The following CNTNAP2 variants were observed in gnomAD, a reference collection of about 807,000 sequenced individuals.
CNTNAP2 encodes the protein contactin-associated protein-like 2.
A neutral mutation model predicts 155.2 loss-of-function variants in CNTNAP2; 98 were observed. The observed-to-expected ratio is 0.63, with a 90% CI of 0.54 to 0.75. The LOEUF (loss-of-function observed/expected upper bound fraction) is 0.75, where lower values mean the gene tolerates loss of function less well. CNTNAP2 is among the 30% of genes least tolerant of loss of function. The pLI, the probability that CNTNAP2 is intolerant of heterozygous loss-of-function variation, is 0.00. For synonymous variants in CNTNAP2, 651 were observed against 631.2 expected, an observed-to-expected ratio of 1.03 and a Z score of -0.47; for missense variants, 1,727 against 1,688.1, an observed-to-expected ratio of 1.02 and a Z score of -0.40.
chr7:148,189,570 C>G (rs1795171374), intron 18 of CNTNAP2, among the ~76,000 whole-genome samples: 1 of 152,194 alleles, frequency 6.6e-6, no homozygotes, highest in African/African-American at 2.4e-5. Flanking sequence ...CTCCTCTTCT[C>G]TTTGCCCTTC....
chr7:146,931,701 A>C (rs1163008253), intron 3 of CNTNAP2, among the ~76,000 whole-genome samples: 1 of 148,506 alleles, frequency 6.7e-6, no homozygotes, highest in African/African-American at 2.5e-5. Context: ...AAGACTAATA[A>C]AGAAAAAAAG....
intron 13 of CNTNAP2, chr7:147,704,570 A>C (rs1441164836): frequency 6.2e-6 from 1 of 160,334 alleles, no homozygotes; most frequent in East Asian, 1.9e-4. Context: ...GTCCCAAACC[A>C]TTATCAGAGT....
intron 10 of CNTNAP2, among the ~76,000 whole-genome samples, chr7:147,428,640 A>G (rs1797418621): frequency 6.6e-6 from 1 of 152,144 alleles, no homozygotes; most frequent in Non-Finnish European, 1.5e-5. Flanking sequence ...TATAAGTTGG[A>G]TTCTCTGCTT....
intron 8 of CNTNAP2, among the ~76,000 whole-genome samples, chr7:147,186,545 T>G (rs1028794642): frequency 3.9e-5 from 6 of 152,142 alleles, no homozygotes; most frequent in African/African-American, 1.4e-4. Flanking sequence ...CTTTCTCCAT[T>G]TGGACCCTTT....
At chr7:147,386,166 C>A (rs912741495) in intron 9 of CNTNAP2, among the ~76,000 whole-genome samples, 1 of 152,088 alleles carries the variant, frequency 6.6e-6, no homozygotes, top group Non-Finnish European at 1.5e-5. Context: ...CTGAGCCCGA[C>A]CCATGAAATG....
At chr7:147,644,368 C>A (rs1795331802) in intron 13 of CNTNAP2, among the ~76,000 whole-genome samples, 2 of 152,138 alleles carry the variant, frequency 1.3e-5, no homozygotes, top group Non-Finnish European at 2.9e-5. Context: ...GGCCTGTAAT[C>A]CCAGCACTTT....
At chr7:146,849,825 T>C (rs982688926) in intron 3 of CNTNAP2, among the ~76,000 whole-genome samples, 38 of 152,160 alleles carry the variant, frequency 2.5e-4, no homozygotes, top group Admixed American at 2.2e-3. Context: ...TGCAAGTAAG[T>C]AGTTAATAGT....
chr7:147,486,067 A>G, intron 11 of CNTNAP2, 26 bp downstream of exon 11: 1 of 1,581,408 alleles, frequency 6.3e-7, no homozygotes, highest in South Asian at 1.1e-5. Context: ...TCTCACTTTA[A>G]TCTTGTAATT....
chr7:146,709,511 A>C (rs1239369650), intron 1 of CNTNAP2, among the ~76,000 whole-genome samples: 1 of 152,228 alleles, frequency 6.6e-6, no homozygotes, highest in Non-Finnish European at 1.5e-5. Flanking sequence ...CTCTCAGTCA[A>C]GCCTAAAGTT....
intron 10 of CNTNAP2, among the ~76,000 whole-genome samples, chr7:147,441,855 C>CTCTCT (rs1563205224): frequency 8.8e-5 from 12 of 136,566 alleles, no homozygotes; most frequent in African/African-American, 2.5e-4. Context: ...CTCTCTCCCT[C>CTCTCT]CCTCCCTCCC....
intron 21 of CNTNAP2, 76 bp downstream of exon 21, chr7:148,267,202 A>G (rs1309277692): frequency 2.3e-6 from 3 of 1,300,574 alleles, no homozygotes; most frequent in East Asian, 2.3e-5. Context: ...TTTTAAAACT[A>G]TCAGGTAAAT....
chr7:148,169,790 T>G (rs1459542469), intron 17 of CNTNAP2, among the ~76,000 whole-genome samples: 1 of 152,142 alleles, frequency 6.6e-6, no homozygotes. Context: ...TGAAACCCCA[T>G]CTCTACTAAA....
At chr7:146,874,571 T>G (rs1391834882) in intron 3 of CNTNAP2, among the ~76,000 whole-genome samples, 2 of 152,106 alleles carry the variant, frequency 1.3e-5, no homozygotes, top group African/African-American at 4.8e-5. Context: ...ACTCCTGACC[T>G]CAGGTGATCC....
chr7:146,256,264 T>C (rs1799835383), intron 1 of CNTNAP2, among the ~76,000 whole-genome samples: 1 of 152,160 alleles, frequency 6.6e-6, no homozygotes, highest in Non-Finnish European at 1.5e-5. Flanking sequence ...AAATGTTCTA[T>C]TAAGACAAGT....
chr7:146,437,148 G>A (rs1193831923), intron 1 of CNTNAP2, among the ~76,000 whole-genome samples: 2 of 151,288 alleles, frequency 1.3e-5, no homozygotes, highest in Non-Finnish European at 2.9e-5. Flanking sequence ...ACGTGCATGA[G>A]AGGGATTTAG....
intron 3 of CNTNAP2, among the ~76,000 whole-genome samples, chr7:146,871,526 T>A (rs1034497539): frequency 1.3e-5 from 2 of 150,986 alleles, no homozygotes; most frequent in Admixed American, 6.6e-5. Flanking sequence ...CAAGGCTCCG[T>A]CTAAAAAAAA....
intron 1 of CNTNAP2, among the ~76,000 whole-genome samples, chr7:146,470,163 T>C (rs879810047): frequency 3.9e-5 from 6 of 152,162 alleles, no homozygotes; most frequent in East Asian, 1.9e-4. Flanking sequence ...AACTAATCAC[T>C]CCTCTGTTTT....
Position 146,539,178 on chromosome 7 carries a change from G to A in CNTNAP2, c.98-235093G>A, listed in dbSNP as rs373398502. Among the ~76,000 whole-genome samples, 3 of 152,004 alleles carry A rather than the reference G, an allele frequency of 2.0e-5. No homozygotes were observed. In the South Asian group the frequency reaches 6.2e-4, roughly 32 times the overall value. On this transcript the variant is annotated intron_variant, in intron 1 of 23. Coordinates refer to ENST00000361727, the MANE Select transcript of CNTNAP2 (RefSeq NM_014141.6). ...AAATCGACACAGAATGATTATCAAC[G>A]TATATATCCCTTGTGTAGATGTAGT...
At chr7:146,536,621 C>G (rs1383007872) in intron 1 of CNTNAP2, among the ~76,000 whole-genome samples, 2 of 147,750 alleles carry the variant, frequency 1.4e-5, no homozygotes, top group Admixed American at 1.4e-4. Flanking sequence ...AAAGACTCAT[C>G]ATTTGTAGCT....
Sources: allele counts gnomAD v4.1 joint callset (sites outside exome capture counted in the v4.1 genomes callset), GRCh38; gene constraint gnomAD v4.1.1; transcripts MANE v1.5; gene names NCBI Gene and HGNC (gene_info 2026-07-23, HGNC 2026-07-21).